The following PCA3 variants were observed in gnomAD, a reference collection of about 807,000 sequenced individuals.
The protein encoded by PCA3 is prostate cancer associated 3.
At chr9:76,782,892 T>TA (rs899328465) in intron 2 of PCA3, 2 of 152,226 alleles carry the variant, frequency 1.3e-5, no homozygotes, top group Non-Finnish European at 2.9e-5. Flanking sequence ...CCTTTAACCA[T>TA]ATACCTGCTA....
intron 2 of PCA3, among the ~76,000 whole-genome samples, chr9:76,777,140 G>A (rs2131102572): frequency 6.6e-6 from 1 of 152,228 alleles, no homozygotes; most frequent in African/African-American, 2.4e-5. Context: ...AAGGAGAGAA[G>A]TGGGGGAGGG....
intron 2 of PCA3, chr9:76,784,048 C>T (rs1007447109): frequency 1.3e-5 from 2 of 152,116 alleles, no homozygotes; most frequent in Non-Finnish European, 2.9e-5. Context: ...TGGATTTATC[C>T]TCACGGAGTC....
chr9:76,775,360 G>A (rs113025360), intron 2 of PCA3, among the ~76,000 whole-genome samples: 8,653 of 152,038 alleles, frequency 0.057, 790 homozygotes, highest in African/African-American at 0.19. Context: ...GCAGTTGCAC[G>A]ATCACAGTTC....
At chr9:76,782,237 T>C (rs564055963) in intron 2 of PCA3, among the ~76,000 whole-genome samples, 12 of 151,844 alleles carry the variant, frequency 7.9e-5, no homozygotes, top group African/African-American at 2.7e-4. Context: ...AAAGAAAGCA[T>C]TGGGAAAGCC....
At chr9:76,764,513 A>G (rs116714405) in intron 2 of PCA3, 3,529 of 152,322 alleles carry the variant, frequency 0.023, 60 homozygotes, top group Middle Eastern at 0.027. Context: ...GCCGAGGGAG[A>G]CCAGGAAGAT....
intron 2 of PCA3, among the ~76,000 whole-genome samples, chr9:76,766,605 T>G (rs574960111): frequency 1.3e-5 from 2 of 152,168 alleles, no homozygotes; most frequent in Non-Finnish European, 2.9e-5. Flanking sequence ...TCCTTCCATG[T>G]TTTGGTCCTT....
intron 2 of PCA3, among the ~76,000 whole-genome samples, chr9:76,777,679 C>T (rs1043918265): frequency 2.0e-5 from 3 of 152,072 alleles, no homozygotes; most frequent in Non-Finnish European, 4.4e-5. Context: ...CATATATAAA[C>T]AAGTAGACAT....
intron 2 of PCA3, among the ~76,000 whole-genome samples, chr9:76,766,280 C>A (rs2052378849): frequency 6.6e-6 from 1 of 151,758 alleles, no homozygotes; most frequent in African/African-American, 2.4e-5. Context: ...ACAAAAGCTT[C>A]AGGGGATACC....
At chr9:76,765,656 G>T (rs2052279416) in intron 2 of PCA3, among the ~76,000 whole-genome samples, 1 of 152,096 alleles carries the variant, frequency 6.6e-6, no homozygotes, top group Non-Finnish European at 1.5e-5. Context: ...ATCCATCCAT[G>T]GGGTTTGAGC....
chr9:76,782,505 T>A (rs1166116719), intron 2 of PCA3, among the ~76,000 whole-genome samples: 1 of 152,234 alleles, frequency 6.6e-6, no homozygotes, highest in Non-Finnish European at 1.5e-5. Flanking sequence ...TACAGCATCT[T>A]CTTTACAGAG....
intron 2 of PCA3, among the ~76,000 whole-genome samples, chr9:76,781,850 G>A (rs907119405): frequency 3.9e-5 from 6 of 152,168 alleles, no homozygotes; most frequent in Admixed American, 6.5e-5. Flanking sequence ...TAACCAACGT[G>A]TACAGCAAAA....
At chr9:76,782,095 T>C (rs1335164839) in intron 2 of PCA3, among the ~76,000 whole-genome samples, 2 of 152,114 alleles carry the variant, frequency 1.3e-5, no homozygotes, top group East Asian at 3.9e-4. Context: ...GCACCTGTAG[T>C]CCCAGCTACT....
chr9:76,779,802 A>G (rs2054176400), intron 2 of PCA3: 1 of 152,246 alleles, frequency 6.6e-6, no homozygotes, highest in African/African-American at 2.4e-5. Context: ...TGGTTCCTGC[A>G]ACCTTTAACC....
At chr9:76,785,742 T>A (rs2131303261) in intron 2 of PCA3, 1 of 152,016 alleles carries the variant, frequency 6.6e-6, no homozygotes, top group East Asian at 1.9e-4. Flanking sequence ...TCTGTGTGTG[T>A]GTGTGTGTGT....
chr9:76,772,221 C>T lies in PCA3; in HGVS notation n.852+35606C>T, dbSNP rs912709967. Among the ~76,000 whole-genome samples, 3 of 152,146 alleles carry T rather than the reference C, an allele frequency of 2.0e-5. No individual in the cohort carries two copies. In the South Asian group the frequency reaches 6.2e-4, roughly 32 times the overall value. ...ACCACTTTTTGAGAAGACACCAGTG[C>T]CCACTACAGAGGGAAATAACAGAAT... On this transcript the variant is annotated intron_variant and non_coding_transcript_variant, in intron 2 of 5. Transcript: ENST00000644657.
At chr9:76,773,944 A>T (rs1796784306) in intron 2 of PCA3, among the ~76,000 whole-genome samples, 2 of 152,136 alleles carry the variant, frequency 1.3e-5, no homozygotes, top group South Asian at 4.1e-4. Flanking sequence ...TTATAAAGAG[A>T]AGGAGCAAGT....
intron 2 of PCA3, chr9:76,782,662 C>T (rs1482766761): frequency 2.0e-5 from 3 of 152,084 alleles, no homozygotes. Context: ...TGTTCTATGT[C>T]CTAAGGAATT....
chr9:76,778,854 CAT>C (rs1413524700), intron 2 of PCA3: 7 of 152,296 alleles, frequency 4.6e-5, no homozygotes, highest in African/African-American at 1.4e-4. Context: ...CATTCAATCT[CAT>C]AGTTTTGTCA....
chr9:76,785,266 A>G (rs926432822), intron 2 of PCA3: 1 of 152,230 alleles, frequency 6.6e-6, no homozygotes, highest in African/African-American at 2.4e-5. Context: ...TAAGTTGACT[A>G]TCTTACTTCA....
Sources: allele counts gnomAD v4.1 joint callset (sites outside exome capture counted in the v4.1 genomes callset), GRCh38; gene constraint gnomAD v4.1.1; transcripts MANE v1.5; gene names NCBI Gene and HGNC (gene_info 2026-07-23, HGNC 2026-07-21).